The following TACC2 variants were observed in gnomAD, a reference collection of about 807,000 sequenced individuals.
TACC2 encodes transforming acidic coiled-coil containing protein 2, also known as transforming acidic coiled-coil-containing protein 2.
Under a neutral mutation model 227.3 loss-of-function variants are expected in TACC2, and 137 were observed. That is an observed-to-expected ratio of 0.60 (90% CI 0.52 to 0.69). The LOEUF is 0.69. Among genes scored for constraint, TACC2 ranks in the 30% least tolerant of loss-of-function variants. The pLI, the probability that TACC2 is intolerant of heterozygous loss-of-function variation, is 0.00. For missense variants in TACC2, 3,470 were observed against 3,694.4 expected (o/e 0.94, Z 1.57); for synonymous variants, 1,523 against 1,487.5 (o/e 1.02, Z -0.55).
At chr10:122,159,854 T>C (rs1457986430) in intron 7 of TACC2, among the ~76,000 whole-genome samples, 2 of 152,150 alleles carry the variant, frequency 1.3e-5, no homozygotes, top group Non-Finnish European at 2.9e-5. Flanking sequence ...TGGTGGTGTT[T>C]GGAGAGTCTT....
Position 122,230,378 on chromosome 10 carries a change from A to T in TACC2, c.8065A>T (p.Ile2689Leu), listed in dbSNP as rs992998683. Residue 2689 changes from isoleucine to leucine, a missense_variant, in exon 16 of 23, where the codon ATA becomes TTA. Ile to Leu is a conservative substitution (Grantham distance 5, BLOSUM62 2). Around this residue, in one of 10 missense-constraint regions of TACC2, gnomAD observed 345 missense variants for 354.4 expected, o/e 0.97. Transcript: ENST00000369005. ...GGAGTTAGAGTTTGCCATCATGCGG[A>T]TAGAAGCCCTGAAGCTGGCCAGGCA... The part of the protein sequence containing the change: ...QEELEFAIMR[I>L]EALKLARQIA... 5.0e-6 allele frequency: 8 copies of T among 1,614,034 alleles called. No homozygotes were observed. The Admixed American group carries it at 6.7e-5, about 13-fold the overall frequency.
chr10:122,140,079 T>C (rs4751877), intron 6 of TACC2, among the ~76,000 whole-genome samples: 111,662 of 152,088 alleles, frequency 0.73, 42,234 homozygotes, highest in Middle Eastern at 0.85. Flanking sequence ...GCCCTGGAGC[T>C]GTGTGTGTGG....
chr10:122,074,875 T>A (rs1235107288), intron 3 of TACC2, among the ~76,000 whole-genome samples: 2 of 152,190 alleles, frequency 1.3e-5, no homozygotes, highest in Non-Finnish European at 2.9e-5. Flanking sequence ...TGGAGTTTCA[T>A]TTCCTTTCTT....
Position 122,088,652 on chromosome 10 carries a change from G to A in TACC2, c.5573+61G>A. On this transcript the variant is annotated intron_variant, in intron 5 of 22. Coordinates refer to ENST00000369005, the MANE Select transcript of TACC2 (RefSeq NM_206862.4). ...TGCCTTCCTTAGATACAGACACACT[G>A]GATGTTTTGGAAAGGAGAGTAGTCC... 2.5e-6 allele frequency: 4 copies of A among 1,574,418 alleles called. No individual in the cohort carries two copies. In the Middle Eastern group the frequency reaches 6.6e-4, roughly 261 times the overall value.
chr10:122,166,502 A>C (rs1289074916), intron 7 of TACC2, among the ~76,000 whole-genome samples: 1 of 152,124 alleles, frequency 6.6e-6, no homozygotes, highest in Non-Finnish European at 1.5e-5. Flanking sequence ...TGGGGATTGA[A>C]GCCTGAGGAT....
Position 122,085,017 on chromosome 10 carries a change from A to C in TACC2, c.2517A>C (p.Thr839=), listed in dbSNP as rs377277808. ...AGCCATCCCAGGCACAACCAGAGACATCCATCTTTGACGTGCTCAAGGAGC... is the reference window on the plus strand; with the variant it reads ...AGCCATCCCAGGCACAACCAGAGACCTCCATCTTTGACGTGCTCAAGGAGC... ...HLQPSQAQPE[T]SIFDVLKEQA... Residue 839 remains threonine (T), a synonymous_variant, in exon 4 of 23, where the codon ACA becomes ACC. Coordinates refer to ENST00000369005, the MANE Select transcript of TACC2 (RefSeq NM_206862.4). The C allele has an allele frequency of 2.9e-5, 47 of 1,614,080 alleles. No individual in the cohort carries two copies. The highest frequency in any genetic ancestry group is 3.8e-5 in the Non-Finnish European group (45 of 1,180,036).
At chr10:122,197,466 C>T (rs1207935998) in intron 8 of TACC2, among the ~76,000 whole-genome samples, 1 of 152,306 alleles carries the variant, frequency 6.6e-6, no homozygotes, top group East Asian at 1.9e-4. Context: ...TTCCTTCTGC[C>T]TAACTTCCTT....
rs180990040 is a variant in TACC2, at chr10:122,217,002, T to C, written c.7546+174T>C. 53 of 1,348,388 alleles carry C rather than the reference T, an allele frequency of 3.9e-5. No individual in the cohort carries two copies. In the East Asian group the frequency reaches 1.1e-3, roughly 28 times the overall value. The allele number at this position is 1,348,388 out of a possible 1,614,324, so 83.5% of individuals were successfully genotyped here. On this transcript the variant is annotated intron_variant, in intron 11 of 22. Coordinates refer to ENST00000369005, the MANE Select transcript of TACC2 (RefSeq NM_206862.4). The stretch of plus-strand genomic sequence containing the variant: ...GCTCAGGCTGTGTTTGAAAACAGCC[T>C]GAGACTTGAAAGCAGCTGTCCCTTG...
At chr10:122,203,931 G>A (rs941408004) in intron 8 of TACC2, among the ~76,000 whole-genome samples, 7 of 151,968 alleles carry the variant, frequency 4.6e-5, no homozygotes, top group Admixed American at 6.6e-5. Flanking sequence ...CGAGGCTGGC[G>A]GATCACTCGC....
chr10:122,022,301 G>A, intron 2 of TACC2: 1 of 330,416 alleles, frequency 3.0e-6, no homozygotes, highest in Non-Finnish European at 5.6e-6. Flanking sequence ...GAATGCAGTG[G>A]CATGATCATA....
At chr10:122,059,340 C>T (rs1044340827) in intron 3 of TACC2, among the ~76,000 whole-genome samples, 1 of 151,874 alleles carries the variant, frequency 6.6e-6, no homozygotes, top group Non-Finnish European at 1.5e-5. Flanking sequence ...GTACCCGTTT[C>T]CTGAACACCC....
chr10:122,069,244 ATT>A (rs141058517), intron 3 of TACC2, among the ~76,000 whole-genome samples: 1 of 149,068 alleles, frequency 6.7e-6, no homozygotes, highest in Admixed American at 6.7e-5. Flanking sequence ...TATTTTATTT[ATT>A]TTTTTTTTTT....
intron 22 of TACC2, among the ~76,000 whole-genome samples, chr10:122,253,121 C>G (rs1231978180): frequency 6.6e-6 from 1 of 152,192 alleles, no homozygotes; most frequent in Non-Finnish European, 1.5e-5. Context: ...CAGGGAAGGG[C>G]TCTGCACAGC....
chr10:122,117,143 G>C (rs1425063745), intron 5 of TACC2, among the ~76,000 whole-genome samples: 1 of 150,682 alleles, frequency 6.6e-6, no homozygotes, highest in Non-Finnish European at 1.5e-5. Context: ...CAGGGCCGCA[G>C]TTTCTCCTCT....
chr10:122,061,415 G>A (rs1202913501), intron 3 of TACC2, among the ~76,000 whole-genome samples: 5 of 152,136 alleles, frequency 3.3e-5, no homozygotes, highest in African/African-American at 1.2e-4. Context: ...TGTGTCTGCC[G>A]AGTTCCACGG....
intron 7 of TACC2, among the ~76,000 whole-genome samples, chr10:122,176,107 CTCTCTCTCTCTA>C (rs1415506410): frequency 0.016 from 1,113 of 70,244 alleles, 8 homozygotes; most frequent in East Asian, 0.058. Flanking sequence ...CTCTCTCTCT[CTCTCTCTCTCTA>C]TATATATATA....
At chr10:122,204,033 C>T (rs2095005678) in intron 8 of TACC2, among the ~76,000 whole-genome samples, 1 of 151,322 alleles carries the variant, frequency 6.6e-6, no homozygotes, top group African/African-American at 2.5e-5. Context: ...CGGCGCGCGC[C>T]TGCAATCCCA....
chr10:122,008,264 A>ATTATTTTATT, intron 1 of TACC2, among the ~76,000 whole-genome samples: 4 of 134,652 alleles, frequency 3.0e-5, no homozygotes, highest in East Asian at 4.2e-4. Flanking sequence ...TATTATTATT[A>ATTATTTTATT]TTTTTTTTTT....
intron 5 of TACC2, among the ~76,000 whole-genome samples, chr10:122,112,856 G>T (rs917053958): frequency 1.3e-5 from 2 of 151,940 alleles, no homozygotes; most frequent in Non-Finnish European, 1.5e-5. Flanking sequence ...CGGGCCCCTC[G>T]GTGCGTCTGG....
Sources: allele counts gnomAD v4.1 joint callset (sites outside exome capture counted in the v4.1 genomes callset), GRCh38; gene constraint gnomAD v4.1.1; regional missense constraint gnomAD v4.1.1; transcripts MANE v1.5; gene names NCBI Gene and HGNC (gene_info 2026-07-23, HGNC 2026-07-21).